Variants in SLC9A9 observed in about 807,000 individuals in gnomAD.
SLC9A9 encodes sodium/hydrogen exchanger 9.
In SLC9A9, 62 loss-of-function variants were observed where a neutral mutation model predicts 77.8. The observed-to-expected ratio is 0.80, with a 90% CI of 0.65 to 0.98. SLC9A9 has a LOEUF of 0.98. Ranked by LOEUF, SLC9A9 falls within the 50% of genes least tolerant of loss-of-function variation. SLC9A9 has a pLI of 0.00. For synonymous variants in SLC9A9, 320 were observed against 283.5 expected, an observed-to-expected ratio of 1.13 and a Z score of -1.29; for missense variants, 775 against 774.9, an observed-to-expected ratio of 1.00 and a Z score of 0.00.
At chr3:143,592,762 G>A (rs761805176) in intron 6 of SLC9A9, among the ~76,000 whole-genome samples, 3 of 152,084 alleles carry the variant, frequency 2.0e-5, no homozygotes, top group South Asian at 2.1e-4. Context: ...CATCTGGCCC[G>A]GACTCACCAT....
chr3:143,719,127 C>G (rs570517838), intron 4 of SLC9A9, among the ~76,000 whole-genome samples: 2 of 152,178 alleles, frequency 1.3e-5, no homozygotes, highest in African/African-American at 4.8e-5. Flanking sequence ...TACTGAGAAG[C>G]TTTATCTGTG....
chr3:143,788,312 T>C (rs1056734960), intron 4 of SLC9A9, among the ~76,000 whole-genome samples: 3 of 152,150 alleles, frequency 2.0e-5, no homozygotes, highest in African/African-American at 7.2e-5. Flanking sequence ...GAGGACTTAT[T>C]AACAAAATAC....
At chr3:143,559,927 C>G (rs1474296656) in intron 8 of SLC9A9, among the ~76,000 whole-genome samples, 2 of 152,176 alleles carry the variant, frequency 1.3e-5, no homozygotes, top group East Asian at 3.8e-4. Flanking sequence ...CACAAAGGAA[C>G]CCACTCCCTC....
intron 9 of SLC9A9, among the ~76,000 whole-genome samples, chr3:143,525,704 T>A (rs1012230119): frequency 3.3e-5 from 5 of 152,212 alleles, no homozygotes; most frequent in African/African-American, 9.6e-5. Flanking sequence ...GTCAGTGAGT[T>A]TTTGTGGAAT....
chr3:143,700,576 C>T (rs1307146461), intron 4 of SLC9A9, among the ~76,000 whole-genome samples: 1 of 152,182 alleles, frequency 6.6e-6, no homozygotes, highest in Non-Finnish European at 1.5e-5. Context: ...TGAGGTCCCT[C>T]TGCCTGTGGA....
intron 14 of SLC9A9, among the ~76,000 whole-genome samples, chr3:143,279,117 T>C (rs1357084282): frequency 6.6e-6 from 1 of 152,114 alleles, no homozygotes; most frequent in East Asian, 1.9e-4. Context: ...GTCAATTTAC[T>C]AATATAACAC....
At chr3:143,387,724 C>G (rs1000636761) in intron 12 of SLC9A9, among the ~76,000 whole-genome samples, 3 of 151,322 alleles carry the variant, frequency 2.0e-5, no homozygotes, top group Non-Finnish European at 2.9e-5. Flanking sequence ...CACTTCCACT[C>G]TTTGGTGAGT....
At chr3:143,374,650 T>C (rs1245231232) in intron 13 of SLC9A9, among the ~76,000 whole-genome samples, 3 of 151,946 alleles carry the variant, frequency 2.0e-5, no homozygotes, top group Non-Finnish European at 2.9e-5. Flanking sequence ...AATTTTTTTG[T>C]GGGCACATAA....
intron 14 of SLC9A9, among the ~76,000 whole-genome samples, chr3:143,359,598 G>A (rs781405469): frequency 9.9e-5 from 15 of 152,142 alleles, no homozygotes; most frequent in African/African-American, 3.1e-4. Context: ...AGAGTGAGCC[G>A]AGGGGAAAGA....
At chr3:143,710,401 G>C (rs1934109403) in intron 4 of SLC9A9, among the ~76,000 whole-genome samples, 1 of 152,100 alleles carries the variant, frequency 6.6e-6, no homozygotes, top group Admixed American at 6.5e-5. Context: ...GAATAAAATT[G>C]AGACCCATTA....
intron 12 of SLC9A9, among the ~76,000 whole-genome samples, chr3:143,401,544 C>T (rs557795255): frequency 1.4e-4 from 21 of 152,272 alleles, no homozygotes; most frequent in Non-Finnish European, 2.6e-4. Context: ...ACTAAGTTTT[C>T]AGGGACTTGA....
At chr3:143,518,255 A>G in intron 9 of SLC9A9, 3 of 1,551,742 alleles carry the variant, frequency 1.9e-6, no homozygotes, top group Non-Finnish European at 2.6e-6. Context: ...GGCGAAGCTC[A>G]GGGGCTGCAG....
chr3:143,726,251 G>GAAAAAAAAAAAA (rs3055626), intron 4 of SLC9A9, among the ~76,000 whole-genome samples: 1 of 136,928 alleles, frequency 7.3e-6, no homozygotes, highest in African/African-American at 2.7e-5. Flanking sequence ...AATAAAAAAA[G>GAAAAAAAAAAAA]AAAAAAAAAA....
At chr3:143,345,047 A>G (rs576168052) in intron 14 of SLC9A9, among the ~76,000 whole-genome samples, 14 of 152,344 alleles carry the variant, frequency 9.2e-5, no homozygotes, top group Non-Finnish European at 2.1e-4. Flanking sequence ...GCATAACAGA[A>G]TGAAGGAAAT....
At chr3:143,501,058 A>C (rs1284851067) in intron 9 of SLC9A9, among the ~76,000 whole-genome samples, 2 of 150,610 alleles carry the variant, frequency 1.3e-5, no homozygotes, top group Non-Finnish European at 2.9e-5. Context: ...AGAAAACAAA[A>C]CCTACTTATG....
intron 12 of SLC9A9, among the ~76,000 whole-genome samples, chr3:143,440,548 G>T (rs1294079417): frequency 6.6e-6 from 1 of 152,204 alleles, no homozygotes; most frequent in Non-Finnish European, 1.5e-5. Context: ...CCAGGTCTTT[G>T]CTCTCAAAGC....
At chr3:143,446,541 T>G (rs530826941) in intron 12 of SLC9A9, among the ~76,000 whole-genome samples, 87 of 152,084 alleles carry the variant, frequency 5.7e-4, no homozygotes, top group Non-Finnish European at 1.1e-3. Flanking sequence ...CCAGGCACTG[T>G]GCTAACAGCT....
At chr3:143,548,076 G>A (rs72999736) in intron 9 of SLC9A9, among the ~76,000 whole-genome samples, 8 of 152,198 alleles carry the variant, frequency 5.3e-5, no homozygotes, top group Admixed American at 1.3e-4. Context: ...ACATGTTAAC[G>A]CACAGTAAAT....
intron 6 of SLC9A9, among the ~76,000 whole-genome samples, chr3:143,601,768 G>A (rs140961965): frequency 2.0e-5 from 3 of 152,304 alleles, no homozygotes; most frequent in South Asian, 2.1e-4. Flanking sequence ...GATGAAATGT[G>A]AACATGACTT....
Sources: gnomAD v4.1 joint callset for allele counts (sites outside exome capture counted in the v4.1 genomes callset) on GRCh38, gnomAD v4.1.1 for gene constraint, MANE v1.5 for transcripts, NCBI Gene and HGNC (gene_info 2026-07-23, HGNC 2026-07-21) for gene names.